Variants in RPTOR observed in about 807,000 individuals in gnomAD.
RPTOR encodes regulatory associated protein of MTOR complex 1.
Under a neutral mutation model 169.9 loss-of-function variants are expected in RPTOR, and 21 were observed. The observed-to-expected ratio is 0.12, with a 90% CI of 0.09 to 0.18. RPTOR has a LOEUF of 0.18. RPTOR is among the 10% of genes least tolerant of loss of function. The probability of loss-of-function intolerance (pLI) is 1.00; values close to 1 mark genes in which losing one functional copy is unlikely to be tolerated. For synonymous variants in RPTOR, 732 were observed against 753.2 expected (o/e 0.97, Z 0.46); for missense variants, 1,133 against 1,855.9 (o/e 0.61, Z 7.16).
Position 80,861,225 on chromosome 17 carries a change from T to G in RPTOR, c.1509+3325T>G, listed in dbSNP as rs1447268129. 6.9e-6 allele frequency among the ~76,000 whole-genome samples: 1 copy of G among 144,728 alleles called. No homozygotes were observed. Among genetic ancestry groups the G allele is most frequent in the Non-Finnish European group, 1.6e-5 (1 of 64,036 alleles). The allele number at this position is 144,728 out of a possible 152,430, so 94.9% of individuals were successfully genotyped here. On this transcript the variant is annotated intron_variant, in intron 13 of 33. Coordinates refer to ENST00000306801, the MANE Select transcript of RPTOR (RefSeq NM_020761.3). This position sits in a 1 kb window ranked among gnomAD's most constrained non-coding sequence, Gnocchi z 4.5. ...GCCATGATTTGCCTCTGTAAAATCA[T>G]GAGCCTTCGGCCGTCTGCCTTCAGC...
chr17:80,633,570 G>A lies in RPTOR; in HGVS notation c.265+7777G>A, dbSNP rs534457845. 1.1e-4 allele frequency among the ~76,000 whole-genome samples: 17 copies of A among 152,308 alleles called. No individual in the cohort carries two copies. The highest frequency in any genetic ancestry group is 1.1e-3 in the Admixed American group (17 of 15,302). ...CACGCAGAGCTGCCTGCTTCACGCG[G>A]GCTGCACCAGGTGATGCGGGGCTGT... is the stretch of plus-strand genomic sequence containing the variant. On this transcript the variant is annotated intron_variant, in intron 2 of 33. Transcript: ENST00000306801. This position sits in a 1 kb window ranked among gnomAD's most constrained non-coding sequence, Gnocchi z 4.1.
chr17:80,947,661 G>A lies in RPTOR; in HGVS notation c.3265+310G>A, dbSNP rs1016435114. 6.6e-6 allele frequency among the ~76,000 whole-genome samples: 1 copy of A among 152,182 alleles called. No homozygotes were observed. The highest frequency in any genetic ancestry group is 1.5e-5 in the Non-Finnish European group (1 of 68,040). On this transcript the variant is annotated intron_variant, in intron 27 of 33. Coordinates refer to ENST00000306801, the MANE Select transcript of RPTOR (RefSeq NM_020761.3). The surrounding 1 kb of genome is among the most constrained non-coding windows in gnomAD (Gnocchi z 4.4). ...CTTAAACCCCTGTGAGAGACCCGGT[G>A]GGTCCCACGTGACACCCGAGAATCA...
chr17:80,921,106 G>A (rs1046758958), intron 21 of RPTOR, among the ~76,000 whole-genome samples: 5 of 152,218 alleles, frequency 3.3e-5, no homozygotes, highest in Admixed American at 3.3e-4. Context: ...CTTCAGGATC[G>A]TTTTGTTTTC....
intron 1 of RPTOR, among the ~76,000 whole-genome samples, chr17:80,570,948 C>T (rs1455566448): frequency 2.0e-5 from 3 of 152,156 alleles, no homozygotes; most frequent in Non-Finnish European, 4.4e-5. Context: ...TTTCATGATC[C>T]CTAGACAACT....
intron 11 of RPTOR, among the ~76,000 whole-genome samples, chr17:80,851,071 T>G (rs58725228): frequency 5.9e-5 from 9 of 152,320 alleles, no homozygotes; most frequent in African/African-American, 2.2e-4. Flanking sequence ...TGGAACTGCA[T>G]GCATGTGCCA....
chr17:80,767,622 A>G (rs1476573330), intron 6 of RPTOR, among the ~76,000 whole-genome samples: 1 of 152,220 alleles, frequency 6.6e-6, no homozygotes, highest in African/African-American at 2.4e-5. Context: ...AATTTTACCA[A>G]ACCTTTAAGA....
At chr17:80,797,047 A>G (rs1205494484) in intron 7 of RPTOR, among the ~76,000 whole-genome samples, 1 of 152,118 alleles carries the variant, frequency 6.6e-6, no homozygotes, top group Non-Finnish European at 1.5e-5. Flanking sequence ...CGCTATTTTT[A>G]TGTTTTTTTA....
intron 21 of RPTOR, among the ~76,000 whole-genome samples, chr17:80,914,924 A>G (rs1351518525): frequency 2.0e-5 from 3 of 152,288 alleles, no homozygotes; most frequent in Admixed American, 6.5e-5. Context: ...CAGAATGGGA[A>G]CTTTTAGTGC....
chr17:80,766,318 G>T (rs2066786528), intron 6 of RPTOR, among the ~76,000 whole-genome samples: 1 of 152,200 alleles, frequency 6.6e-6, no homozygotes, highest in African/African-American at 2.4e-5. Context: ...CTTACAAAGT[G>T]CTGGAATTAC....
chr17:80,883,550 T>C (rs952632530), intron 15 of RPTOR, 66 bp downstream of exon 15: 1 of 1,514,218 alleles, frequency 6.6e-7, no homozygotes, highest in African/African-American at 1.4e-5. Context: ...CTGGGCCCAC[T>C]GTGAAACGTG....
intron 2 of RPTOR, among the ~76,000 whole-genome samples, chr17:80,632,344 A>G (rs2065448906): frequency 6.6e-6 from 1 of 152,204 alleles, no homozygotes. Flanking sequence ...CGGGACGCGC[A>G]GGCCCTTCGG....
intron 21 of RPTOR, among the ~76,000 whole-genome samples, 158 bp from the exon 22 acceptor site, chr17:80,922,566 G>A (rs760150767): frequency 2.6e-5 from 4 of 152,222 alleles, no homozygotes; most frequent in East Asian, 3.9e-4. Context: ...TGCCTTTGCG[G>A]GGGATCCAGC....
At chr17:80,660,652 G>A (rs1321598633) in intron 3 of RPTOR, among the ~76,000 whole-genome samples, 1 of 152,090 alleles carries the variant, frequency 6.6e-6, no homozygotes, top group Non-Finnish European at 1.5e-5. Flanking sequence ...CCCTTTTGCG[G>A]CAAGGGACTA....
At chr17:80,586,981 C>T (rs774234806) in intron 1 of RPTOR, among the ~76,000 whole-genome samples, 1 of 152,256 alleles carries the variant, frequency 6.6e-6, no homozygotes, top group Non-Finnish European at 1.5e-5. Flanking sequence ...ACACACGAGC[C>T]GGTCATGGGC....
At chr17:80,760,445 G>C (rs1472275423) in intron 6 of RPTOR, among the ~76,000 whole-genome samples, 1 of 151,774 alleles carries the variant, frequency 6.6e-6, no homozygotes, top group African/African-American at 2.4e-5. Context: ...GGGATTACAG[G>C]TGCCCACCAC....
chr17:80,760,261 A>G (rs1157746189), intron 6 of RPTOR, among the ~76,000 whole-genome samples: 1 of 151,728 alleles, frequency 6.6e-6, no homozygotes, highest in Non-Finnish European at 1.5e-5. Context: ...ATATATAAAC[A>G]AATGAGCATG....
At chr17:80,807,453 T>C (rs1418455277) in intron 7 of RPTOR, among the ~76,000 whole-genome samples, 1 of 152,110 alleles carries the variant, frequency 6.6e-6, no homozygotes, top group Admixed American at 6.5e-5. Context: ...CAGGTTCAAG[T>C]GATTCTCCTG....
intron 1 of RPTOR, 41 bp downstream of exon 1, chr17:80,545,832 C>T (rs1428265967): frequency 1.3e-5 from 20 of 1,498,712 alleles, no homozygotes; most frequent in African/African-American, 1.4e-5. Context: ...TTGGTAGTTT[C>T]CCCAACAAAG....
intron 3 of RPTOR, among the ~76,000 whole-genome samples, chr17:80,693,515 A>C (rs2066010484): frequency 6.6e-6 from 1 of 152,264 alleles, no homozygotes; most frequent in South Asian, 2.1e-4. Flanking sequence ...AAGAATTGTT[A>C]CTGAATAATA....
Sources: gnomAD v4.1 joint callset for allele counts (sites outside exome capture counted in the v4.1 genomes callset) on GRCh38, gnomAD v4.1.1 for gene constraint, Gnocchi (gnomAD v3.1) non-coding constraint, MANE v1.5 for transcripts, NCBI Gene and HGNC (gene_info 2026-07-23, HGNC 2026-07-21) for gene names.